Variants in PCDH15 observed in about 807,000 individuals in gnomAD.
The protein encoded by PCDH15 is protocadherin-15.
Under a neutral mutation model 178.5 loss-of-function variants are expected in PCDH15, and 129 were observed. The ratio of observed to expected loss-of-function variants is 0.72; its 90% CI spans 0.63 to 0.84. PCDH15 has a LOEUF of 0.84. Ranked by LOEUF, PCDH15 falls within the 40% of genes least tolerant of loss-of-function variation. PCDH15 has a pLI of 0.00. For missense variants in PCDH15, 2,230 were observed against 2,099.9 expected (o/e 1.06, Z -1.21); for synonymous variants, 800 against 732.0 (o/e 1.09, Z -1.50).
chr10:54,602,665 T>A (rs2092591467), intron 2 of PCDH15, among the ~76,000 whole-genome samples: 1 of 152,034 alleles, frequency 6.6e-6, no homozygotes, highest in Admixed American at 6.6e-5. Context: ...TGAGAGTTTT[T>A]TAAATTAGAA....
chr10:54,623,389 GAA>G (rs1393115742), intron 2 of PCDH15, among the ~76,000 whole-genome samples: 1 of 151,956 alleles, frequency 6.6e-6, no homozygotes, highest in African/African-American at 2.4e-5. Flanking sequence ...TATTAATAAT[GAA>G]AAGACTTTTT....
intron 2 of PCDH15, among the ~76,000 whole-genome samples, chr10:55,066,290 T>A (rs1230519258): frequency 2.0e-5 from 3 of 151,288 alleles, no homozygotes; most frequent in Non-Finnish European, 4.4e-5. Flanking sequence ...TCAGTTCTAC[T>A]TTTTTAAATT....
chr10:55,139,489 T>C (rs531371725), intron 2 of PCDH15, among the ~76,000 whole-genome samples: 5 of 152,194 alleles, frequency 3.3e-5, no homozygotes, highest in Admixed American at 3.3e-4. Flanking sequence ...TTGAGGTTCA[T>C]TATTTGCCTT....
At chr10:54,773,085 T>C (rs1591553050) in intron 1 of PCDH15, among the ~76,000 whole-genome samples, 1 of 143,976 alleles carries the variant, frequency 6.9e-6, no homozygotes, top group Non-Finnish European at 1.5e-5. Context: ...CAACACATAC[T>C]GGGGCCTGTC....
At chr10:54,097,179 A>G (rs962867226) in intron 15 of PCDH15, among the ~76,000 whole-genome samples, 1 of 152,204 alleles carries the variant, frequency 6.6e-6, no homozygotes, top group Non-Finnish European at 1.5e-5. Context: ...ATCCTTTGTT[A>G]AATTTGGTTG....
intron 1 of PCDH15, among the ~76,000 whole-genome samples, chr10:54,784,909 T>A (rs1207864854): frequency 6.6e-6 from 1 of 152,040 alleles, no homozygotes; most frequent in African/African-American, 2.4e-5. Flanking sequence ...TACCTCTGAC[T>A]TCACCCAGCT....
chr10:55,317,573 C>T (rs1437575083), intron 1 of PCDH15, among the ~76,000 whole-genome samples: 1 of 151,874 alleles, frequency 6.6e-6, no homozygotes, highest in African/African-American at 2.4e-5. Context: ...CAGCTTGAAG[C>T]TCTTCAAAAT....
At chr10:55,203,716 T>C (rs1231949800) in intron 1 of PCDH15, among the ~76,000 whole-genome samples, 2 of 152,100 alleles carry the variant, frequency 1.3e-5, no homozygotes, top group Non-Finnish European at 2.9e-5. Flanking sequence ...ACTAAGTAGA[T>C]TGGACATTTC....
intron 2 of PCDH15, among the ~76,000 whole-genome samples, chr10:55,120,506 C>T (rs1837739384): frequency 6.6e-6 from 1 of 151,964 alleles, no homozygotes; most frequent in Non-Finnish European, 1.5e-5. Context: ...AGATCTGGAT[C>T]ATTCCAATTT....
intron 4 of PCDH15, among the ~76,000 whole-genome samples, chr10:54,371,263 T>C (rs984533325): frequency 6.6e-6 from 1 of 151,756 alleles, no homozygotes; most frequent in African/African-American, 2.4e-5. Flanking sequence ...AATGTAAAAA[T>C]GTAATTGTGA....
chr10:55,109,119 A>G (rs1318151854), intron 2 of PCDH15, among the ~76,000 whole-genome samples: 3 of 152,234 alleles, frequency 2.0e-5, no homozygotes, highest in Non-Finnish European at 4.4e-5. Context: ...CTTTATGCCC[A>G]GTGAGTGAGA....
intron 3 of PCDH15, among the ~76,000 whole-genome samples, chr10:54,873,193 G>T (rs1233614332): frequency 6.6e-6 from 1 of 151,956 alleles, no homozygotes; most frequent in Admixed American, 6.6e-5. Context: ...TATATCGTAG[G>T]TTCTCACTTC....
chr10:54,793,129 G>A (rs753866591), intron 1 of PCDH15, among the ~76,000 whole-genome samples: 1 of 151,904 alleles, frequency 6.6e-6, no homozygotes, highest in East Asian at 1.9e-4. Context: ...CAGGGGAACT[G>A]AACCTTCATC....
At chr10:55,414,533 T>A (rs1838427332) in intron 2 of PCDH15, among the ~76,000 whole-genome samples, 1 of 151,690 alleles carries the variant, frequency 6.6e-6, no homozygotes, top group Admixed American at 6.6e-5. Flanking sequence ...CGTTTTTACT[T>A]ATTTATGTAT....
chr10:55,616,006 G>A (rs1000506947), intron 2 of PCDH15, among the ~76,000 whole-genome samples: 3 of 152,180 alleles, frequency 2.0e-5, no homozygotes, highest in African/African-American at 4.8e-5. Flanking sequence ...GAGGTACCAA[G>A]ATTAAGCTGG....
intron 18 of PCDH15, among the ~76,000 whole-genome samples, chr10:54,043,314 T>C (rs1210938351): frequency 1.3e-5 from 2 of 152,114 alleles, no homozygotes; most frequent in Non-Finnish European, 2.9e-5. Context: ...AGAAGCTCCA[T>C]ATCCACAGAC....
At chr10:54,226,225 T>C (rs2053431668) in intron 9 of PCDH15, among the ~76,000 whole-genome samples, 1 of 152,180 alleles carries the variant, frequency 6.6e-6, no homozygotes, top group South Asian at 2.1e-4. Context: ...GAAAAGCACG[T>C]CACTTCTTAC....
At chr10:55,072,445 T>C (rs1167306133) in intron 2 of PCDH15, among the ~76,000 whole-genome samples, 1 of 152,056 alleles carries the variant, frequency 6.6e-6, no homozygotes, top group African/African-American at 2.4e-5. Flanking sequence ...AAATACAAAC[T>C]ACCATCAGAG....
chr10:55,200,075 G>T (rs967301253), intron 1 of PCDH15, among the ~76,000 whole-genome samples: 1 of 152,088 alleles, frequency 6.6e-6, no homozygotes, highest in Non-Finnish European at 1.5e-5. Context: ...TTGTGGACCT[G>T]TAAGAAGAGG....
Sources: allele counts gnomAD v4.1 joint callset (sites outside exome capture counted in the v4.1 genomes callset), GRCh38; gene constraint gnomAD v4.1.1; transcripts MANE v1.5; gene names NCBI Gene and HGNC (gene_info 2026-07-23, HGNC 2026-07-21).